Variants in CPEB1 observed in about 807,000 individuals in gnomAD.
The protein encoded by CPEB1 is cytoplasmic polyadenylation element binding protein 1.
Under a neutral mutation model 65.8 loss-of-function variants are expected in CPEB1, and 7 were observed. That is an observed-to-expected ratio of 0.11 (90% CI 0.06 to 0.20). The LOEUF is 0.20. Ranked by LOEUF, CPEB1 falls within the 10% of genes least tolerant of loss-of-function variation. CPEB1 has a pLI of 1.00. For missense variants in CPEB1, 551 were observed against 712.2 expected (o/e 0.77, Z 2.58); for synonymous variants, 262 against 260.0 (o/e 1.01, Z -0.08).
intron 1 of CPEB1, among the ~76,000 whole-genome samples, chr15:82,645,803 G>A (rs587628640): frequency 2.0e-5 from 3 of 152,162 alleles, no homozygotes; most frequent in South Asian, 2.1e-4. Context: ...GGGAGGCGGA[G>A]GCTGCAGTGA....
chr15:82,588,089 GTTTT>G (rs758412445), intron 3 of CPEB1, among the ~76,000 whole-genome samples: 153 of 145,194 alleles, frequency 1.1e-3, no homozygotes, highest in Non-Finnish European at 1.6e-3. Flanking sequence ...ATCCAACTAG[GTTTT>G]TTTTTGTTTG....
chr15:82,584,771 TAA>T (rs1171480626), intron 3 of CPEB1, among the ~76,000 whole-genome samples: 2 of 148,742 alleles, frequency 1.3e-5, no homozygotes, highest in African/African-American at 2.5e-5. Flanking sequence ...AACACAAAGA[TAA>T]AAGAGGCAAA....
chr15:82,565,931 C>T (rs2039051212), intron 4 of CPEB1, among the ~76,000 whole-genome samples: 1 of 152,220 alleles, frequency 6.6e-6, no homozygotes, highest in East Asian at 1.9e-4. Context: ...AGACATCTCT[C>T]AGGGAAGTCA....
At chr15:82,622,896 C>G (rs1209834693) in intron 3 of CPEB1, among the ~76,000 whole-genome samples, 1 of 152,184 alleles carries the variant, frequency 6.6e-6, no homozygotes, top group Non-Finnish European at 1.5e-5. Flanking sequence ...GGAATCACTT[C>G]AAATGCTACC....
chr15:82,550,335 T>C (rs753015170), intron 9 of CPEB1, among the ~76,000 whole-genome samples: 19 of 152,148 alleles, frequency 1.2e-4, no homozygotes, highest in South Asian at 1.2e-3. Context: ...AAATATGTCT[T>C]GAAGCAGGAA....
intron 1 of CPEB1, among the ~76,000 whole-genome samples, chr15:82,637,458 G>C (rs913996084): frequency 3.3e-5 from 5 of 152,068 alleles, no homozygotes; most frequent in African/African-American, 1.2e-4. Context: ...CCCATGTTTA[G>C]AACTTTTCTT....
At chr15:82,574,513 C>T (rs783545) in intron 3 of CPEB1, among the ~76,000 whole-genome samples, 96,207 of 151,444 alleles carry the variant, frequency 0.64, 31,006 homozygotes, top group African/African-American at 0.75. Context: ...AGGTCAGGAG[C>T]TCAAGACCAG....
chr15:82,553,707 A>G, intron 7 of CPEB1, 151 bp from the exon 8 acceptor site: 1 of 772,158 alleles, frequency 1.3e-6, no homozygotes, highest in Non-Finnish European at 2.2e-6. Flanking sequence ...TAAGCTCCCG[A>G]CATAAGGAGC....
chr15:82,574,253 C>A (rs984198629), intron 3 of CPEB1, among the ~76,000 whole-genome samples: 1 of 152,180 alleles, frequency 6.6e-6, no homozygotes, highest in Non-Finnish European at 1.5e-5. Context: ...CAACTCAATG[C>A]AGGCCATACC....
chr15:82,622,606 G>A (rs1374652650), intron 3 of CPEB1, among the ~76,000 whole-genome samples: 2 of 152,056 alleles, frequency 1.3e-5, no homozygotes, highest in African/African-American at 4.8e-5. Flanking sequence ...TGGTCAGGCT[G>A]GTCTCAAACT....
At chr15:82,617,304 G>GACATC (rs765047267) in intron 3 of CPEB1, among the ~76,000 whole-genome samples, 1 of 152,184 alleles carries the variant, frequency 6.6e-6, no homozygotes, top group African/African-American at 2.4e-5. Context: ...TCTATTGATG[G>GACATC]ACATCTGGGT....
At chr15:82,604,819 T>A (rs1286201287) in intron 3 of CPEB1, among the ~76,000 whole-genome samples, 5 of 151,844 alleles carry the variant, frequency 3.3e-5, no homozygotes, top group African/African-American at 1.2e-4. Flanking sequence ...CCAAAGCAGA[T>A]GAGGGAAAGA....
chr15:82,585,561 A>G (rs1357177149), intron 3 of CPEB1, among the ~76,000 whole-genome samples: 1 of 152,202 alleles, frequency 6.6e-6, no homozygotes, highest in Non-Finnish European at 1.5e-5. Context: ...CAGGCATTAT[A>G]TCCCTTTTAC....
chr15:82,599,075 G>A (rs2042896332), intron 3 of CPEB1, among the ~76,000 whole-genome samples: 2 of 152,098 alleles, frequency 1.3e-5, no homozygotes, highest in South Asian at 4.1e-4. Flanking sequence ...GGAGACCTTG[G>A]AAGTTAAAAT....
chr15:82,544,272 G>GTTTTTTTTTTTTTTTT lies in CPEB1; in HGVS notation c.*304_*319dup, dbSNP rs35946080. On this transcript the variant is annotated 3_prime_UTR_variant, in exon 13 of 13. Coordinates refer to ENST00000684509, the MANE Select transcript of CPEB1 (RefSeq NM_001365242.1). The stretch of plus-strand genomic sequence containing the variant: ...TACCTCAATACCTTCTGGACACGTA[G>GTTTTTTTTTTTTTTTT]TTTTTTTTTTTTTTTTTTTTTTCCC... 1 of 130,764 alleles carries GTTTTTTTTTTTTTTTT rather than the reference G, an allele frequency of 7.6e-6. No homozygotes were observed. 8.1% of individuals were successfully genotyped at this position (130,764 alleles called of 1,614,324 possible).
At chr15:82,610,496 A>G (rs2044024316) in intron 3 of CPEB1, among the ~76,000 whole-genome samples, 1 of 152,146 alleles carries the variant, frequency 6.6e-6, no homozygotes, top group South Asian at 2.1e-4. Context: ...GGTTTATCCT[A>G]AGAAGACAAG....
chr15:82,632,766 C>T (rs528592331), intron 1 of CPEB1, among the ~76,000 whole-genome samples: 2 of 151,630 alleles, frequency 1.3e-5, no homozygotes, highest in African/African-American at 2.4e-5. Flanking sequence ...CGGGCTCAAG[C>T]GCTGCTCCTG....
rs529431027 is a variant in CPEB1 at position 82,615,796 on chromosome 15, G to A, written c.271+11397C>T. ...TTGAAAAAGTACCCAGCAACTTGAA[G>A]TGTGAAGACAATATACCAAACTCTG... On this transcript the variant is annotated intron_variant, in intron 3 of 12. Coordinates refer to ENST00000684509, the MANE Select transcript of CPEB1 (RefSeq NM_001365242.1). Among the ~76,000 whole-genome samples, 4 of 152,220 alleles carry A rather than the reference G, an allele frequency of 2.6e-5. No homozygotes were observed. In the East Asian group the frequency reaches 7.7e-4, roughly 29 times the overall value.
chr15:82,598,039 G>A (rs556626773), intron 3 of CPEB1, among the ~76,000 whole-genome samples: 6 of 152,350 alleles, frequency 3.9e-5, no homozygotes, highest in Non-Finnish European at 7.3e-5. Context: ...GGAACCTGAT[G>A]ACATCCAGGT....
Sources: allele counts gnomAD v4.1 joint callset (sites outside exome capture counted in the v4.1 genomes callset), GRCh38; gene constraint gnomAD v4.1.1; transcripts MANE v1.5; gene names NCBI Gene and HGNC (gene_info 2026-07-23, HGNC 2026-07-21).